The following DNAI7 variants were observed in gnomAD, a reference collection of about 807,000 sequenced individuals.
DNAI7 encodes the protein dynein axonemal intermediate chain 7, also known as cancer susceptibility 1.
Under a neutral mutation model 86.6 loss-of-function variants are expected in DNAI7, and 78 were observed. That is an observed-to-expected ratio of 0.90 (90% CI 0.75 to 1.09). The LOEUF (loss-of-function observed/expected upper bound fraction) is 1.09. DNAI7 is among the 50% of genes least tolerant of loss of function. The pLI is 0.00. For synonymous variants in DNAI7, 274 were observed against 273.0 expected (o/e 1.00, Z -0.04); for missense variants, 753 against 810.2 (o/e 0.93, Z 0.86).
At chr12:25,154,047 T>C (rs1945871461) in intron 6 of DNAI7, among the ~76,000 whole-genome samples, 1 of 152,144 alleles carries the variant, frequency 6.6e-6, no homozygotes, top group Non-Finnish European at 1.5e-5. Flanking sequence ...CCGAGTTATC[T>C]ACATGAATGC....
At chr12:25,131,538 G>A (rs2220196) in intron 9 of DNAI7, among the ~76,000 whole-genome samples, 8 of 151,980 alleles carry the variant, frequency 5.3e-5, no homozygotes, top group African/African-American at 1.9e-4. Flanking sequence ...ATACTATGCC[G>A]GATCACTAAA....
At chr12:25,145,942 G>T (rs1944771280) in intron 8 of DNAI7, among the ~76,000 whole-genome samples, 1 of 152,208 alleles carries the variant, frequency 6.6e-6, no homozygotes, top group Non-Finnish European at 1.5e-5. Flanking sequence ...TATTATGTTT[G>T]CCGGGCGCAG....
chr12:25,114,514 G>T, intron 13 of DNAI7, 142 bp downstream of exon 13: 1 of 579,462 alleles, frequency 1.7e-6, no homozygotes. Context: ...TATAGCTCAA[G>T]GTACATTTTT....
At position 25,149,695 on chromosome 12, in the gene DNAI7, T is replaced by C. The variant is rs754074768; in HGVS notation, c.518A>G (p.Glu173Gly). 1.0e-5 allele frequency: 16 copies of C among 1,592,058 alleles called. No individual in the cohort carries two copies. The highest frequency in any genetic ancestry group is 1.3e-5 in the Non-Finnish European group (15 of 1,161,700). Reference sequence around the variant, plus strand: ...GAGCTCCTGCAGTTGTAGTATTGATTCTTGGTACTGTATTATATTTTTATC... The same window carrying C: ...GAGCTCCTGCAGTTGTAGTATTGATCCTTGGTACTGTATTATATTTTTATC... The part of the protein sequence containing the change: ...LQDKNIIQYQ[E>G]SILQLQELLH... The change falls in exon 7 of 16, where the codon GAA becomes GGA. Residue 173 changes from glutamate to glycine, a missense_variant. Transcript: ENST00000395987.
intron 13 of DNAI7, among the ~76,000 whole-genome samples, chr12:25,112,434 T>C (rs1394343480): frequency 8.0e-6 from 1 of 125,654 alleles, no homozygotes; most frequent in Non-Finnish European, 1.6e-5. Context: ...TGAGACGGAG[T>C]CTCCCTCTGT....
At chr12:25,159,539 C>A (rs1217687521) in intron 3 of DNAI7, among the ~76,000 whole-genome samples, 1 of 151,796 alleles carries the variant, frequency 6.6e-6, no homozygotes, top group Non-Finnish European at 1.5e-5. Flanking sequence ...AGGTTTATAG[C>A]AATCCAATAG....
intron 13 of DNAI7, among the ~76,000 whole-genome samples, chr12:25,114,332 C>G (rs145068732): frequency 1.2e-4 from 19 of 152,284 alleles, no homozygotes; most frequent in African/African-American, 3.8e-4. Context: ...TGATAAACAT[C>G]ACGTAGCCCC....
chr12:25,178,845 C>T (rs1433891994), intron 2 of DNAI7, among the ~76,000 whole-genome samples: 1 of 151,910 alleles, frequency 6.6e-6, no homozygotes, highest in African/African-American at 2.4e-5. Context: ...CCACTCTATT[C>T]TGTGTTTTCT....
chr12:25,168,151 C>T (rs140263429), intron 2 of DNAI7, among the ~76,000 whole-genome samples: 109 of 152,322 alleles, frequency 7.2e-4, no homozygotes, highest in African/African-American at 2.6e-3. Context: ...AGGTACAAGA[C>T]ACCTTTTTCA....
In DNAI7 at chr12:25,153,274, T is replaced by C. The variant is rs187045317; in HGVS notation, c.438+1045A>G. 4.2e-3 allele frequency among the ~76,000 whole-genome samples: 642 copies of C among 152,142 alleles called. 3 individuals carry two copies. Among genetic ancestry groups the C allele is most frequent in the Non-Finnish European group, 7.5e-3 (510 of 68,006 alleles). Reference sequence around the variant, plus strand: ...TCATTTCTACTAAAAATACAAAAATTAGCCAGGTGTGGTGGCACATGACTG... The same window carrying C: ...TCATTTCTACTAAAAATACAAAAATCAGCCAGGTGTGGTGGCACATGACTG... On this transcript the variant is annotated intron_variant, in intron 6 of 15. Transcript: ENST00000395987.
At position 25,149,682 on chromosome 12, in the gene DNAI7, T is replaced by C. The variant is rs1945269145; in HGVS notation, c.531A>G (p.Gln177=). Residue 177 remains glutamine, a synonymous_variant, in exon 7 of 16, where the codon CAA becomes CAG. Coordinates refer to ENST00000395987, the MANE Select transcript of DNAI7 (RefSeq NM_018272.5). ...ATTTAAGATGAAGGAGCTCCTGCAG[T>C]TGTAGTATTGATTCTTGGTACTGTA... ...NIIQYQESIL[Q]LQELLHLKFG... The C allele has an allele frequency of 1.9e-6, 3 of 1,601,982 alleles. No homozygotes were observed. The highest frequency in any genetic ancestry group is 2.6e-6 in the Non-Finnish European group (3 of 1,170,598).
intron 10 of DNAI7, among the ~76,000 whole-genome samples, chr12:25,122,668 C>T (rs934717429): frequency 2.6e-5 from 4 of 152,162 alleles, no homozygotes; most frequent in African/African-American, 9.7e-5. Context: ...TAAACTATAT[C>T]CAACTGCTAT....
At chr12:25,188,006 T>C (rs975116822) in intron 2 of DNAI7, among the ~76,000 whole-genome samples, 2 of 152,222 alleles carry the variant, frequency 1.3e-5, no homozygotes, top group African/African-American at 4.8e-5. Context: ...GGATTTGCAG[T>C]CTGACTCATA....
intron 9 of DNAI7, among the ~76,000 whole-genome samples, chr12:25,129,634 A>G (rs1319719764): frequency 6.6e-6 from 1 of 152,222 alleles, no homozygotes; most frequent in Non-Finnish European, 1.5e-5. Flanking sequence ...CCCTCTGACC[A>G]GAATAACTTC....
At chr12:25,164,897 G>C (rs377599046) in intron 2 of DNAI7, among the ~76,000 whole-genome samples, 1 of 1,110 alleles carries the variant, frequency 9.0e-4, no homozygotes, top group East Asian at 0.071. Context: ...CCTCACACCC[G>C]GTCCGGCTTA....
At chr12:25,176,549 T>C (rs1948977279) in intron 2 of DNAI7, among the ~76,000 whole-genome samples, 1 of 151,984 alleles carries the variant, frequency 6.6e-6, no homozygotes, top group Non-Finnish European at 1.5e-5. Flanking sequence ...GAAATTCAGA[T>C]TAATTCTATT....
At chr12:25,156,670 C>T (rs948690450) in intron 4 of DNAI7, among the ~76,000 whole-genome samples, 2 of 150,636 alleles carry the variant, frequency 1.3e-5, no homozygotes, top group Non-Finnish European at 3.0e-5. Context: ...GAACCTGGGA[C>T]GTGGAGGTTG....
intron 2 of DNAI7, among the ~76,000 whole-genome samples, chr12:25,172,075 A>T (rs1948205287): frequency 6.6e-6 from 1 of 152,168 alleles, no homozygotes; most frequent in African/African-American, 2.4e-5. Flanking sequence ...GCCCACTCTC[A>T]CCACTCCTCT....
chr12:25,159,967 A>G (rs1946650492), intron 3 of DNAI7, among the ~76,000 whole-genome samples: 1 of 152,150 alleles, frequency 6.6e-6, no homozygotes, highest in Admixed American at 6.5e-5. Context: ...AGTATTTTAA[A>G]TTTGGCAAAT....
Sources: gnomAD v4.1 joint callset for allele counts (sites outside exome capture counted in the v4.1 genomes callset) on GRCh38, gnomAD v4.1.1 for gene constraint, MANE v1.5 for transcripts, NCBI Gene and HGNC (gene_info 2026-07-23, HGNC 2026-07-21) for gene names.